Variants in ARNT2 observed in about 807,000 individuals in gnomAD.
ARNT2 encodes the protein ARNT protein 2.
Under a neutral mutation model 91.7 loss-of-function variants are expected in ARNT2, and 36 were observed. That is an observed-to-expected ratio of 0.39 (90% confidence interval 0.30 to 0.52). The LOEUF (loss-of-function observed/expected upper bound fraction) is 0.52, where lower values mean the gene tolerates loss of function less well. Ranked by LOEUF, ARNT2 falls within the 20% of genes least tolerant of loss-of-function variation. The probability of loss-of-function intolerance (pLI) is 0.72; values close to 1 mark genes in which losing one functional copy is unlikely to be tolerated. For synonymous variants in ARNT2, 365 were observed against 347.1 expected, an observed-to-expected ratio of 1.05 and a Z score of -0.57; for missense variants, 775 against 939.3, an observed-to-expected ratio of 0.83 and a Z score of 2.29.
At chr15:80,577,035 G>C (rs370647083) in intron 15 of ARNT2, 70 bp downstream of exon 15, 1 of 1,472,854 alleles carries the variant, frequency 6.8e-7, no homozygotes. Flanking sequence ...GGGTCTCAGA[G>C]CACAGCTCTG....
chr15:80,427,765 CA>C (rs1292793739), intron 1 of ARNT2, among the ~76,000 whole-genome samples: 2 of 152,224 alleles, frequency 1.3e-5, no homozygotes, highest in Non-Finnish European at 2.9e-5. Context: ...TAGGGACATA[CA>C]ACTGTTTAGT....
intron 8 of ARNT2, among the ~76,000 whole-genome samples, chr15:80,539,518 G>T (rs1596004550): frequency 6.6e-6 from 1 of 152,106 alleles, no homozygotes; most frequent in South Asian, 2.1e-4. Flanking sequence ...TATTAGAAGG[G>T]TTCTCAAAAA....
At chr15:80,452,553 C>T (rs1011247263) in intron 2 of ARNT2, among the ~76,000 whole-genome samples, 1 of 152,316 alleles carries the variant, frequency 6.6e-6, no homozygotes, top group South Asian at 2.1e-4. Context: ...AATTCCAGGC[C>T]TTTTAAAATT....
rs1384558679 is a variant in ARNT2, at chr15:80,574,860, C to A, written c.1390-127C>A. The A allele has an allele frequency of 3.3e-6, 4 of 1,228,630 alleles. No homozygotes were observed. The African/African-American group carries it at 6.3e-5, about 19-fold the overall frequency. 76.1% of individuals were successfully genotyped at this position (1,228,630 alleles called of 1,614,324 possible). A position where few individuals can be genotyped will look rare whatever the true frequency, so the allele number is the denominator to read the frequency against. On this transcript the variant is annotated intron_variant, in intron 13 of 18. Transcript: ENST00000303329. ...AAAGCTTCCCACCCGATAAAATGTT[C>A]CAGCCCAAAATGCCAGTGATTCCAG...
intron 8 of ARNT2, 64 bp from the exon 9 acceptor site, chr15:80,551,135 C>G: frequency 6.7e-7 from 1 of 1,496,042 alleles, no homozygotes; most frequent in Non-Finnish European, 9.3e-7. Context: ...AAATCGTGGA[C>G]ACTTTTCTTC....
At chr15:80,474,910 T>C in intron 4 of ARNT2, 100 bp from the exon 5 acceptor site, 2 of 1,166,936 alleles carry the variant, frequency 1.7e-6, no homozygotes, top group South Asian at 2.7e-5. Context: ...CCAGAATAAA[T>C]ATGCAGATAA....
rs994797656 is a variant in ARNT2 at position 80,514,210 on chromosome 15, A to C, written c.792-110A>C. 2.6e-5 allele frequency: 32 copies of C among 1,211,886 alleles called. No individual in the cohort carries two copies. In the African/African-American group the frequency reaches 4.4e-4, roughly 16 times the overall value. The allele number at this position is 1,211,886 out of a possible 1,614,324, so 75.1% of individuals were successfully genotyped here. A position where few individuals can be genotyped will look rare whatever the true frequency, so the allele number is the denominator to read the frequency against. ...AGGATGGTGAGGAGTCAAGATTCAA[A>C]ACCACAAAGGCAGACAAGGGAACCC... On this transcript the variant is annotated intron_variant, in intron 7 of 18. Coordinates refer to ENST00000303329, the MANE Select transcript of ARNT2 (RefSeq NM_014862.4).
At chr15:80,413,205 T>C (rs184454712) in intron 1 of ARNT2, among the ~76,000 whole-genome samples, 78 of 152,356 alleles carry the variant, frequency 5.1e-4, no homozygotes, top group Admixed American at 2.0e-3. Flanking sequence ...ATGACTGGGC[T>C]CTCCATGCCA....
intron 4 of ARNT2, 54 bp from the exon 5 acceptor site, chr15:80,474,956 G>A: frequency 6.4e-7 from 1 of 1,561,040 alleles, no homozygotes; most frequent in East Asian, 2.3e-5. Flanking sequence ...TAAGAAAGTT[G>A]AATCATCCTG....
At chr15:80,533,833 C>T (rs1897779617) in intron 8 of ARNT2, among the ~76,000 whole-genome samples, 1 of 152,230 alleles carries the variant, frequency 6.6e-6, no homozygotes. Context: ...CCTCCTGGCC[C>T]ACTTCTTTCT....
chr15:80,470,659 T>C (rs555888848), intron 4 of ARNT2, among the ~76,000 whole-genome samples: 2 of 152,304 alleles, frequency 1.3e-5, no homozygotes, highest in East Asian at 3.9e-4. Context: ...CTCAAAAAAA[T>C]ATATTGAGCA....
chr15:80,431,191 G>T (rs1026684028), intron 1 of ARNT2, among the ~76,000 whole-genome samples: 2 of 152,182 alleles, frequency 1.3e-5, no homozygotes. Context: ...TTCTTCGGGA[G>T]GCCACAGCCT....
At chr15:80,489,261 A>G (rs887826202) in intron 5 of ARNT2, among the ~76,000 whole-genome samples, 1 of 152,240 alleles carries the variant, frequency 6.6e-6, no homozygotes, top group African/African-American at 2.4e-5. Context: ...TGGCTAAATA[A>G]AAGTGCACGT....
In ARNT2 at chr15:80,470,306, G is replaced by T; in HGVS notation, c.283G>T (p.Ala95Ser). The T allele has an allele frequency of 6.2e-7, 1 of 1,614,156 alleles. No individual in the cohort carries two copies. The highest frequency in any genetic ancestry group is 8.5e-7 in the Non-Finnish European group (1 of 1,180,020). The change falls in exon 4 of 19, where the codon GCA becomes TCA. Residue 95 changes from alanine (A) to serine (S), a missense_variant. Transcript: ENST00000303329. ...ELSDMVPTCS[A>S]LARKPDKLTI... ...CTCCGACATGGTCCCCACATGCAGCGCACTGGCTCGGAAGCCAGACAAGCT... is the reference window on the plus strand; with the variant it reads ...CTCCGACATGGTCCCCACATGCAGCTCACTGGCTCGGAAGCCAGACAAGCT...
chr15:80,418,325 C>T (rs1895815437), intron 1 of ARNT2, among the ~76,000 whole-genome samples: 1 of 152,174 alleles, frequency 6.6e-6, no homozygotes, highest in South Asian at 2.1e-4. Context: ...TCTGCTGTCC[C>T]TACCTTGCAC....
intron 10 of ARNT2, among the ~76,000 whole-genome samples, chr15:80,554,294 A>G (rs1298841331): frequency 1.3e-5 from 2 of 152,134 alleles, no homozygotes; most frequent in African/African-American, 4.8e-5. Flanking sequence ...TTGTAATCCC[A>G]GCTACTCGGG....
chr15:80,531,825 T>G (rs765610528), intron 8 of ARNT2, among the ~76,000 whole-genome samples: 1 of 152,206 alleles, frequency 6.6e-6, no homozygotes, highest in Non-Finnish European at 1.5e-5. Context: ...GCCACTCTTA[T>G]AGATGGAGAA....
At chr15:80,579,826 C>A (rs1898758837) in intron 15 of ARNT2, among the ~76,000 whole-genome samples, 1 of 152,106 alleles carries the variant, frequency 6.6e-6, no homozygotes, top group Non-Finnish European at 1.5e-5. Flanking sequence ...ACAGCAGGGG[C>A]CTAATAAAGA....
Position 80,594,071 on chromosome 15 carries a change from C to G in ARNT2, c.*373C>G, listed in dbSNP as rs1893332435. 1.1e-5 allele frequency: 2 copies of G among 179,102 alleles called. No homozygotes were observed. The highest frequency in any genetic ancestry group is 2.3e-5 in the Non-Finnish European group (2 of 85,802). The allele number at this position is 179,102 out of a possible 1,614,324, so 11.1% of individuals were successfully genotyped here. On this transcript the variant is annotated 3_prime_UTR_variant, in exon 19 of 19. Transcript: ENST00000303329. Reference sequence around the variant, plus strand: ...GACCAAGCAGCACCAGCAGGCCTGCCCAGGATGCTGAAAGCAGATTTCTTC... The same window carrying G: ...GACCAAGCAGCACCAGCAGGCCTGCGCAGGATGCTGAAAGCAGATTTCTTC...
Sources: gnomAD v4.1 joint callset for allele counts (sites outside exome capture counted in the v4.1 genomes callset) on GRCh38, gnomAD v4.1.1 for gene constraint, MANE v1.5 for transcripts, NCBI Gene and HGNC (gene_info 2026-07-23, HGNC 2026-07-21) for gene names.